Variants in RNF145 observed in about 807,000 individuals in gnomAD.
The protein encoded by RNF145 is ring finger protein 145.
A neutral mutation model predicts 57.3 loss-of-function variants in RNF145; 12 were observed. The observed-to-expected ratio is 0.21, with a 90% CI of 0.13 to 0.34. The LOEUF (loss-of-function observed/expected upper bound fraction) is 0.34, where lower values mean the gene tolerates loss of function less well. Ranked by LOEUF, RNF145 falls within the 10% of genes least tolerant of loss-of-function variation. RNF145 has a pLI of 1.00. For missense variants in RNF145, 429 were observed against 799.0 expected (o/e 0.54, Z 5.58); for synonymous variants, 262 against 288.3 (o/e 0.91, Z 0.92).
intron 5 of RNF145, among the ~76,000 whole-genome samples, chr5:159,175,097 T>C (rs145325787): frequency 6.6e-6 from 1 of 152,306 alleles, no homozygotes; most frequent in Non-Finnish European, 1.5e-5. Context: ...TAAATTGACT[T>C]GCAGATTATT....
intron 6 of RNF145, among the ~76,000 whole-genome samples, chr5:159,172,413 G>A (rs1023294793): frequency 1.3e-5 from 2 of 151,946 alleles, no homozygotes; most frequent in African/African-American, 4.8e-5. Context: ...CCTGGGAGGC[G>A]GAGGTTGCAG....
At chr5:159,190,314 G>A (rs908091983) in intron 3 of RNF145, among the ~76,000 whole-genome samples, 3 of 152,100 alleles carry the variant, frequency 2.0e-5, no homozygotes, top group Admixed American at 2.0e-4. Context: ...GATTACAAGT[G>A]TGAGCCACCA....
At position 159,203,713 on chromosome 5, in the gene RNF145, G is replaced by T. The variant is rs986596293; in HGVS notation, c.-39-57C>A. ...AAAAAGTCAACACAAATCGCTTTTA[G>T]ATACCCTTTCACGAATCTAATAGGT... On this transcript the variant is annotated intron_variant, in intron 1 of 10. Coordinates refer to ENST00000424310, the MANE Select transcript of RNF145 (RefSeq NM_001199383.2). 3.4e-6 allele frequency: 4 copies of T among 1,172,062 alleles called. No homozygotes were observed. The African/African-American group carries it at 4.7e-5, about 14-fold the overall frequency. 72.6% of individuals were successfully genotyped at this position (1,172,062 alleles called of 1,614,324 possible). A position where few individuals can be genotyped will look rare whatever the true frequency, so the allele number is the denominator to read the frequency against.
At chr5:159,198,182 C>A (rs1333135951) in intron 2 of RNF145, among the ~76,000 whole-genome samples, 4 of 151,976 alleles carry the variant, frequency 2.6e-5, no homozygotes, top group Non-Finnish European at 5.9e-5. Flanking sequence ...GTTGATGCTG[C>A]AGTGAGCTAA....
At chr5:159,203,781 C>T (rs759108793) in intron 1 of RNF145, 125 bp from the exon 2 acceptor site, 7 of 624,688 alleles carry the variant, frequency 1.1e-5, no homozygotes, top group Non-Finnish European at 1.9e-5. Context: ...TATACTACTT[C>T]TCAGCCACAA....
chr5:159,195,936 A>G (rs1562072307), intron 2 of RNF145, among the ~76,000 whole-genome samples: 2 of 152,084 alleles, frequency 1.3e-5, no homozygotes, highest in Non-Finnish European at 2.9e-5. Flanking sequence ...TCCTCCCTCA[A>G]CAAAGTAACT....
In RNF145 at chr5:159,203,618, G is replaced by GT. The variant is rs1428270407; in HGVS notation, c.-2dup. The GT allele has an allele frequency of 1.9e-6, 3 of 1,584,686 alleles. No homozygotes were observed. The highest frequency in any genetic ancestry group is 2.6e-6 in the Non-Finnish European group (3 of 1,167,648). On this transcript the variant is annotated 5_prime_UTR_variant, in exon 2 of 11. Transcript: ENST00000424310. ...CCTCCAGTTTCTCCTTTGCAGCCAT[G>GT]TTGTTTTTTTTTTTCTTTTTTTTTT...
chr5:159,188,894 T>C (rs1785181641), intron 3 of RNF145, among the ~76,000 whole-genome samples: 1 of 152,188 alleles, frequency 6.6e-6, no homozygotes, highest in Non-Finnish European at 1.5e-5. Flanking sequence ...AAAATTAATA[T>C]TTGCAAATGT....
At chr5:159,169,462 A>G (rs1318938047) in intron 7 of RNF145, among the ~76,000 whole-genome samples, 1 of 152,208 alleles carries the variant, frequency 6.6e-6, no homozygotes, top group African/African-American at 2.4e-5. Flanking sequence ...AAGGTGCCCA[A>G]TATTCATCAT....
intron 1 of RNF145, chr5:159,207,584 G>A: frequency 1.3e-6 from 2 of 1,593,440 alleles, no homozygotes; most frequent in Non-Finnish European, 1.7e-6. Context: ...TAGGATGGTA[G>A]GCCTCACTGA....
chr5:159,179,135 G>A (rs899898821), intron 4 of RNF145, among the ~76,000 whole-genome samples: 7 of 151,984 alleles, frequency 4.6e-5, no homozygotes, highest in Admixed American at 4.6e-4. Context: ...TTAAGTCTAT[G>A]CCAGCACATG....
intron 3 of RNF145, among the ~76,000 whole-genome samples, chr5:159,188,186 T>C (rs1427649889): frequency 1.3e-5 from 2 of 151,694 alleles, no homozygotes; most frequent in Non-Finnish European, 2.9e-5. Flanking sequence ...ACTGAGACCA[T>C]CCTGGCTAAC....
intron 3 of RNF145, among the ~76,000 whole-genome samples, chr5:159,187,935 T>G (rs1257459291): frequency 2.6e-5 from 4 of 152,214 alleles, no homozygotes; most frequent in Non-Finnish European, 5.9e-5. Flanking sequence ...GGGGAAGTTT[T>G]TACATTTGAA....
At chr5:159,207,434 C>T in intron 1 of RNF145, 1 of 1,268,208 alleles carries the variant, frequency 7.9e-7, no homozygotes, top group Middle Eastern at 1.8e-4. Flanking sequence ...AATACTTCTA[C>T]ACCTTCCCCC....
intron 5 of RNF145, among the ~76,000 whole-genome samples, chr5:159,175,527 A>G (rs1438178688): frequency 6.6e-6 from 1 of 152,190 alleles, no homozygotes; most frequent in Non-Finnish European, 1.5e-5. Context: ...GATAACCCTC[A>G]TAAGACTGAA....
intron 7 of RNF145, among the ~76,000 whole-genome samples, chr5:159,169,460 C>T (rs1026362978): frequency 4.6e-5 from 7 of 151,970 alleles, no homozygotes; most frequent in African/African-American, 1.7e-4. Flanking sequence ...GGAAGGTGCC[C>T]AATATTCATC....
intron 2 of RNF145, among the ~76,000 whole-genome samples, chr5:159,197,746 T>C (rs1785507233): frequency 6.6e-6 from 1 of 152,242 alleles, no homozygotes; most frequent in Non-Finnish European, 1.5e-5. Flanking sequence ...TGTTAGTTTT[T>C]AAATTATACA....
intron 5 of RNF145, among the ~76,000 whole-genome samples, chr5:159,174,686 T>TACAC (rs1345419391): frequency 3.3e-5 from 5 of 152,274 alleles, no homozygotes; most frequent in African/African-American, 9.6e-5. Context: ...TTTTCTCCCA[T>TACAC]ACACATCAAT....
chr5:159,170,789 C>T (rs1339288086), intron 6 of RNF145, among the ~76,000 whole-genome samples: 1 of 152,186 alleles, frequency 6.6e-6, no homozygotes, highest in Non-Finnish European at 1.5e-5. Context: ...CAAGGTCTTG[C>T]TATGTTGCCC....
Sources: gnomAD v4.1 joint callset for allele counts (sites outside exome capture counted in the v4.1 genomes callset) on GRCh38, gnomAD v4.1.1 for gene constraint, MANE v1.5 for transcripts, NCBI Gene and HGNC (gene_info 2026-07-23, HGNC 2026-07-21) for gene names.